The following ADGRL3 variants were observed in gnomAD, a reference collection of about 807,000 sequenced individuals.
ADGRL3 encodes the protein calcium-independent alpha-latrotoxin receptor 3.
In ADGRL3, 62 loss-of-function variants were observed where a neutral mutation model predicts 153.5. That is an observed-to-expected ratio of 0.40 (90% CI 0.33 to 0.50). The LOEUF (loss-of-function observed/expected upper bound fraction) is 0.50. ADGRL3 is among the 20% of genes least tolerant of loss of function. The pLI is 0.47. For missense variants in ADGRL3, 1,641 were observed against 1,859.4 expected (o/e 0.88, Z 2.16); for synonymous variants, 710 against 672.5 (o/e 1.06, Z -0.86).
At chr4:62,027,430 T>C (rs1268859380) in intron 21 of ADGRL3, among the ~76,000 whole-genome samples, 1 of 152,042 alleles carries the variant, frequency 6.6e-6, no homozygotes, top group South Asian at 2.1e-4. Context: ...CTGATATGAC[T>C]GAGGAACTGA....
rs541201032 is a variant in ADGRL3, at chr4:61,474,524, A to C, written c.-173-22597A>C. 2.0e-5 allele frequency among the ~76,000 whole-genome samples: 3 copies of C among 152,272 alleles called. No individual in the cohort carries two copies. The South Asian group carries it at 6.2e-4, about 32-fold the overall frequency. ...AATATTATTAGTTGCTAAATTTATA[A>C]AACTGAAATAATGTCATTCTTGCCC... On this transcript the variant is annotated intron_variant, in intron 2 of 26. Coordinates refer to ENST00000683033, the MANE Select transcript of ADGRL3 (RefSeq NM_001387552.1).
chr4:62,060,476 A>G (rs1335783338), intron 25 of ADGRL3, among the ~76,000 whole-genome samples: 2 of 151,870 alleles, frequency 1.3e-5, no homozygotes, highest in Non-Finnish European at 2.9e-5. Context: ...TTTTTACACT[A>G]GTTCATTTTA....
At chr4:61,671,292 T>C (rs2094985784) in intron 5 of ADGRL3, among the ~76,000 whole-genome samples, 1 of 152,176 alleles carries the variant, frequency 6.6e-6, no homozygotes, top group South Asian at 2.1e-4. Flanking sequence ...CAATGAACCA[T>C]GTTGAAATGG....
At chr4:61,453,207 G>C (rs1472284834) in intron 2 of ADGRL3, among the ~76,000 whole-genome samples, 1 of 152,064 alleles carries the variant, frequency 6.6e-6, no homozygotes, top group Non-Finnish European at 1.5e-5. Context: ...GCATTATGTA[G>C]TTTTAAAGGA....
Position 61,733,314 on chromosome 4 carries a change from A to G in ADGRL3, c.1159A>G (p.Ile387Val). Residue 387 changes from isoleucine (I) to valine (V), a missense_variant, in exon 8 of 27, where the codon ATT (isoleucine) becomes GTT (valine). Ile to Val is a conservative substitution (Grantham distance 29). This residue lies in a region of ADGRL3 where 213 missense variants were observed against 362.1 expected (regional missense o/e 0.59). Coordinates refer to ENST00000683033, the MANE Select transcript of ADGRL3 (RefSeq NM_001387552.1). ...SASNAFMICGILYVVKSVYED... is the reference protein window; with the variant it reads ...SASNAFMICGVLYVVKSVYED... ...TTCCAATGCCTTTATGATTTGTGGAATTCTGTATGTGGTCAAATCTGTATA... is the reference window on the plus strand; with the variant it reads ...TTCCAATGCCTTTATGATTTGTGGAGTTCTGTATGTGGTCAAATCTGTATA... 1 of 1,613,756 alleles carries G rather than the reference A, an allele frequency of 6.2e-7. No individual in the cohort carries two copies. The highest frequency in any genetic ancestry group is 8.5e-7 in the Non-Finnish European group (1 of 1,179,800).
chr4:61,581,077 T>C (rs373152004), intron 4 of ADGRL3, among the ~76,000 whole-genome samples: 1 of 152,038 alleles, frequency 6.6e-6, no homozygotes, highest in Non-Finnish European at 1.5e-5. Flanking sequence ...AACACAGCAA[T>C]GGAGATGCAG....
intron 9 of ADGRL3, among the ~76,000 whole-genome samples, chr4:61,884,891 C>T (rs1240349908): frequency 6.6e-6 from 1 of 151,308 alleles, no homozygotes; most frequent in African/African-American, 2.4e-5. Context: ...TCCCAAAGTG[C>T]TGGGATTATA....
At chr4:61,878,658 T>C (rs1167524472) in intron 9 of ADGRL3, among the ~76,000 whole-genome samples, 2 of 152,202 alleles carry the variant, frequency 1.3e-5, no homozygotes, top group Non-Finnish European at 1.5e-5. Flanking sequence ...AGATTGTTGA[T>C]GTTAGAGTTC....
At chr4:61,211,164 G>T (rs1302611631) in intron 1 of ADGRL3, among the ~76,000 whole-genome samples, 1 of 152,126 alleles carries the variant, frequency 6.6e-6, no homozygotes, top group Non-Finnish European at 1.5e-5. Flanking sequence ...TAATTGCAAA[G>T]ACGCCTCCAG....
intron 2 of ADGRL3, among the ~76,000 whole-genome samples, chr4:61,476,700 ACT>A (rs1193099757): frequency 1.1e-4 from 13 of 122,450 alleles, no homozygotes; most frequent in Middle Eastern, 3.8e-3. Flanking sequence ...CAAGAGCAAG[ACT>A]CTGTCTAAAA....
At chr4:61,466,938 A>T (rs565686785) in intron 2 of ADGRL3, among the ~76,000 whole-genome samples, 8 of 152,130 alleles carry the variant, frequency 5.3e-5, no homozygotes, top group Non-Finnish European at 1.2e-4. Flanking sequence ...TGAAAAAAAT[A>T]TGCTACAAGT....
intron 2 of ADGRL3, among the ~76,000 whole-genome samples, chr4:61,472,511 C>CA (rs1560692140): frequency 6.6e-6 from 1 of 151,854 alleles, no homozygotes; most frequent in East Asian, 1.9e-4. Context: ...GTAAACCATA[C>CA]AAAAAAGAAG....
chr4:61,318,354 A>T (rs958639153), intron 1 of ADGRL3, among the ~76,000 whole-genome samples: 1 of 152,066 alleles, frequency 6.6e-6, no homozygotes, highest in African/African-American at 2.4e-5. Flanking sequence ...CAAGATATGA[A>T]TTTTAGCTCT....
chr4:61,617,743 A>G (rs2092157504), intron 5 of ADGRL3, among the ~76,000 whole-genome samples: 1 of 152,148 alleles, frequency 6.6e-6, no homozygotes, highest in African/African-American at 2.4e-5. Flanking sequence ...TCTGAATGTT[A>G]TTTGCATTAC....
At chr4:61,722,070 C>T (rs985863280) in intron 6 of ADGRL3, among the ~76,000 whole-genome samples, 1 of 151,992 alleles carries the variant, frequency 6.6e-6, no homozygotes, top group African/African-American at 2.4e-5. Context: ...AAAAATGAAG[C>T]CAGCTAATTC....
intron 1 of ADGRL3, among the ~76,000 whole-genome samples, chr4:61,240,842 T>G (rs1305811720): frequency 6.6e-6 from 1 of 152,112 alleles, no homozygotes; most frequent in Non-Finnish European, 1.5e-5. Flanking sequence ...TACAATCTTA[T>G]GCATAGGGCT....
chr4:61,257,867 G>A lies in ADGRL3; in HGVS notation c.-240+56102G>A, dbSNP rs2092136651. 2.7e-5 allele frequency among the ~76,000 whole-genome samples: 4 copies of A among 150,340 alleles called. No homozygotes were observed. The South Asian group carries it at 8.3e-4, about 31-fold the overall frequency. On this transcript the variant is annotated intron_variant, in intron 1 of 26. Transcript: ENST00000683033. Reference sequence around the variant, plus strand: ...TGTGTGTGTGTGTGTGTGTGTCTGTGCGTGTGCGCACGCGCACACCCCATG... The same window carrying A: ...TGTGTGTGTGTGTGTGTGTGTCTGTACGTGTGCGCACGCGCACACCCCATG...
chr4:61,539,733 GT>G (rs1464273140), intron 4 of ADGRL3, among the ~76,000 whole-genome samples: 1 of 152,110 alleles, frequency 6.6e-6, no homozygotes, highest in Non-Finnish European at 1.5e-5. Flanking sequence ...GTTGCCCAGG[GT>G]CACAAAGGCA....
chr4:61,497,097 C>A (rs915898413), intron 2 of ADGRL3, 24 bp from the exon 3 acceptor site: 3 of 541,492 alleles, frequency 5.5e-6, no homozygotes, highest in South Asian at 2.5e-5. Flanking sequence ...TATACAATAA[C>A]CCTTTTTTTT....
Sources: gnomAD v4.1 joint callset for allele counts (sites outside exome capture counted in the v4.1 genomes callset) on GRCh38, gnomAD v4.1.1 for gene constraint, gnomAD v4.1.1 regional missense constraint, MANE v1.5 for transcripts, NCBI Gene and HGNC (gene_info 2026-07-23, HGNC 2026-07-21) for gene names.